COBLL1: variants seen among roughly 807,000 people sequenced by gnomAD.
The protein encoded by COBLL1 is cordon-bleu protein-like 1.
In COBLL1, 50 loss-of-function variants were observed where a neutral mutation model predicts 94.8. The observed-to-expected ratio is 0.53, with a 90% CI of 0.42 to 0.67. The LOEUF (loss-of-function observed/expected upper bound fraction) is 0.67. Ranked by LOEUF, COBLL1 falls within the 30% of genes least tolerant of loss-of-function variation. The pLI, the probability that COBLL1 is intolerant of heterozygous loss-of-function variation, is 0.00. For synonymous variants in COBLL1, 448 were observed against 473.8 expected (o/e 0.95, Z 0.71); for missense variants, 1,362 against 1,348.7 (o/e 1.01, Z -0.15).
At chr2:164,818,658 CGTATATGTACATATGTAAACATATATAGT>C (rs1684993639) in intron 2 of COBLL1, among the ~76,000 whole-genome samples, 8 of 146,108 alleles carry the variant, frequency 5.5e-5, no homozygotes, top group African/African-American at 1.8e-4. Context: ...ACATATATAG[CGTATATGTACATATGTAAACATATATAGT>C]GTATATGTAC....
chr2:164,805,317 C>A (rs1559033267), intron 2 of COBLL1, among the ~76,000 whole-genome samples: 1,530 of 35,600 alleles, frequency 0.043, 191 homozygotes, highest in African/African-American at 0.15. Flanking sequence ...CTCTCTCTCT[C>A]TCTCTCTCTC....
chr2:164,709,548 T>A (rs1241771380), intron 7 of COBLL1, among the ~76,000 whole-genome samples: 1 of 152,070 alleles, frequency 6.6e-6, no homozygotes, highest in Non-Finnish European at 1.5e-5. Context: ...TGAAACCCCG[T>A]CTCTACTAAA....
intron 9 of COBLL1, among the ~76,000 whole-genome samples, chr2:164,702,924 T>C (rs934426658): frequency 6.6e-5 from 10 of 152,208 alleles, no homozygotes; most frequent in Non-Finnish European, 1.5e-4. Flanking sequence ...TATTCATCTG[T>C]ATGGTTGGGA....
chr2:164,837,513 C>T (rs574298235), intron 2 of COBLL1: 16 of 417,786 alleles, frequency 3.8e-5, no homozygotes, highest in Admixed American at 3.0e-5. Context: ...AAAAAAAAAA[C>T]GCAAACCAAC....
intron 2 of COBLL1, chr2:164,800,429 G>A (rs1403609172): frequency 3.2e-6 from 2 of 628,384 alleles, no homozygotes; most frequent in Non-Finnish European, 2.8e-6. Context: ...CTATGTTGGT[G>A]AGGATGCAGA....
rs1256133348 is a variant in COBLL1, at chr2:164,680,331, T to C, written c.*5615A>G. ...GTCATAATAATAATGTAGAGAGTAA[T>C]GATGACATTACCAAAATTTCCTAAG... is the stretch of plus-strand genomic sequence containing the variant. On this transcript the variant is annotated 3_prime_UTR_variant, in exon 14 of 14. Coordinates refer to ENST00000652658, the MANE Select transcript of COBLL1 (RefSeq NM_001365672.2). 1.3e-5 allele frequency: 2 copies of C among 152,074 alleles called. No homozygotes were observed. Among genetic ancestry groups the C allele is most frequent in the South Asian group, 2.1e-4 (1 of 4,816 alleles). 9.4% of individuals were successfully genotyped at this position (152,074 alleles called of 1,614,324 possible).
chr2:164,824,206 A>C (rs953090677), intron 2 of COBLL1, among the ~76,000 whole-genome samples: 8 of 151,986 alleles, frequency 5.3e-5, no homozygotes, highest in African/African-American at 1.9e-4. Flanking sequence ...ACATGGAGAA[A>C]CCAAGTCTCT....
intron 2 of COBLL1, among the ~76,000 whole-genome samples, chr2:164,757,520 A>C (rs2105605964): frequency 6.6e-6 from 1 of 152,318 alleles, no homozygotes; most frequent in South Asian, 2.1e-4. Context: ...AATTTACATA[A>C]GAAAATGCAC....
intron 2 of COBLL1, among the ~76,000 whole-genome samples, chr2:164,797,917 G>T (rs1683554398): frequency 6.6e-6 from 1 of 152,132 alleles, no homozygotes; most frequent in Non-Finnish European, 1.5e-5. Context: ...CTGAAACTAT[G>T]TAACACTATC....
intron 3 of COBLL1, among the ~76,000 whole-genome samples, chr2:164,733,643 TTCTGGGGAAACA>T (rs1686137785): frequency 6.6e-6 from 1 of 152,206 alleles, no homozygotes; most frequent in Non-Finnish European, 1.5e-5. Context: ...TATGAATTGT[TTCTGGGGAAACA>T]ACTGAATTTT....
intron 2 of COBLL1, among the ~76,000 whole-genome samples, chr2:164,800,735 C>T (rs1323607147): frequency 6.6e-6 from 1 of 152,168 alleles, no homozygotes; most frequent in Middle Eastern, 3.4e-3. Context: ...AAAGAGGAAC[C>T]ACTGACACAC....
At chr2:164,811,257 T>C (rs1684443614) in intron 2 of COBLL1, among the ~76,000 whole-genome samples, 1 of 151,934 alleles carries the variant, frequency 6.6e-6, no homozygotes, top group African/African-American at 2.4e-5. Flanking sequence ...TATCATTAAA[T>C]AGAGAACTAA....
At chr2:164,741,630 A>G (rs73013698) in intron 3 of COBLL1, among the ~76,000 whole-genome samples, 1,642 of 152,212 alleles carry the variant, frequency 0.011, 30 homozygotes, top group African/African-American at 0.038. Context: ...ATTTTCATAG[A>G]TTTAAAAAAC....
intron 3 of COBLL1, among the ~76,000 whole-genome samples, chr2:164,742,156 C>T (rs560855754): frequency 1.3e-5 from 2 of 151,878 alleles, no homozygotes; most frequent in Non-Finnish European, 1.5e-5. Context: ...AGAAAAAACA[C>T]GCTTCTGATA....
intron 5 of COBLL1, chr2:164,727,061 C>A: frequency 9.7e-7 from 1 of 1,028,272 alleles, no homozygotes; most frequent in Non-Finnish European, 1.4e-6. Context: ...TTCAATATAT[C>A]CAATTTCATG....
intron 2 of COBLL1, among the ~76,000 whole-genome samples, chr2:164,806,659 T>A (rs906251820): frequency 8.5e-5 from 13 of 152,276 alleles, no homozygotes; most frequent in African/African-American, 2.4e-4. Flanking sequence ...TTCATTCTAT[T>A]ATTGATAGAT....
At chr2:164,692,488 A>G in intron 12 of COBLL1, 91 bp from the exon 13 acceptor site, 1 of 987,868 alleles carries the variant, frequency 1.0e-6, no homozygotes. Context: ...TAGTTCTTTA[A>G]CAATCACCAT....
chr2:164,796,128 C>A (rs565103363), intron 2 of COBLL1, among the ~76,000 whole-genome samples: 93 of 152,226 alleles, frequency 6.1e-4, no homozygotes, highest in African/African-American at 1.5e-3. Context: ...AAAGAAGAAA[C>A]CAGAAAGATT....
chr2:164,737,219 T>G (rs1482899559), intron 3 of COBLL1, among the ~76,000 whole-genome samples: 2 of 152,086 alleles, frequency 1.3e-5, no homozygotes, highest in Non-Finnish European at 2.9e-5. Flanking sequence ...GGGTCATTAT[T>G]ATAAGGTGTA....
Sources: gnomAD v4.1 joint callset for allele counts (sites outside exome capture counted in the v4.1 genomes callset) on GRCh38, gnomAD v4.1.1 for gene constraint, MANE v1.5 for transcripts, NCBI Gene and HGNC (gene_info 2026-07-23, HGNC 2026-07-21) for gene names.